The following TNS3 variants were observed in gnomAD, a reference collection of about 807,000 sequenced individuals.
TNS3 encodes tensin-3.
A neutral mutation model predicts 140.9 loss-of-function variants in TNS3; 45 were observed. The observed-to-expected ratio is 0.32, with a 90% CI of 0.25 to 0.41. The LOEUF (loss-of-function observed/expected upper bound fraction) is 0.41. TNS3 is among the 10% of genes least tolerant of loss of function. TNS3 has a pLI of 1.00. For synonymous variants in TNS3, 815 were observed against 788.4 expected (o/e 1.03, Z -0.56); for missense variants, 1,716 against 1,906.7 (o/e 0.90, Z 1.86).
At chr7:47,342,936 C>T (rs1040986411) in intron 20 of TNS3, among the ~76,000 whole-genome samples, 1 of 152,248 alleles carries the variant, frequency 6.6e-6, no homozygotes, top group Non-Finnish European at 1.5e-5. Context: ...TAAGTCAGCA[C>T]TGTGTTATCT....
chr7:47,289,442 C>T (rs1173795435), intron 27 of TNS3, among the ~76,000 whole-genome samples: 2 of 152,178 alleles, frequency 1.3e-5, no homozygotes, highest in Admixed American at 6.5e-5. Flanking sequence ...ACCACAAGAG[C>T]CCTATGGTGT....
chr7:47,523,384 A>G (rs1210408637), intron 2 of TNS3, among the ~76,000 whole-genome samples: 1 of 152,208 alleles, frequency 6.6e-6, no homozygotes, highest in Non-Finnish European at 1.5e-5. Context: ...GTTCCAAAAA[A>G]CTATGCCACA....
At chr7:47,536,629 T>C (rs371788028) in intron 1 of TNS3, among the ~76,000 whole-genome samples, 4 of 152,312 alleles carry the variant, frequency 2.6e-5, no homozygotes, top group African/African-American at 7.2e-5. Flanking sequence ...CAAGAGGCAG[T>C]TGAGTTAGAA....
At chr7:47,575,086 A>C (rs1273841245) in intron 1 of TNS3, among the ~76,000 whole-genome samples, 1 of 152,244 alleles carries the variant, frequency 6.6e-6, no homozygotes, top group Non-Finnish European at 1.5e-5. Context: ...AGTCTGCTAG[A>C]AATCCTTTCA....
chr7:47,335,150 A>G (rs1206599184), intron 20 of TNS3, among the ~76,000 whole-genome samples: 1 of 152,216 alleles, frequency 6.6e-6, no homozygotes, highest in African/African-American at 2.4e-5. Flanking sequence ...GGAATTTCTG[A>G]GAAGCCTAAG....
rs1788788150 is a variant in TNS3, at chr7:47,338,967, T to C, written c.2650+5788A>G. Among the ~76,000 whole-genome samples, 4 of 152,342 alleles carry C rather than the reference T, an allele frequency of 2.6e-5. No individual in the cohort carries two copies. In the South Asian group the frequency reaches 8.3e-4, roughly 32 times the overall value. On this transcript the variant is annotated intron_variant, in intron 20 of 30. Transcript: ENST00000311160. ...AATTCACATTCCCTCCAACAGTGTA[T>C]ACATGTTCTTTTTCTCTGCAGCTTT...
intron 9 of TNS3, 88 bp from the exon 10 acceptor site, chr7:47,424,272 C>G: frequency 7.7e-7 from 1 of 1,306,596 alleles, no homozygotes; most frequent in Non-Finnish European, 1.1e-6. Flanking sequence ...CATGGCTGTT[C>G]AAAGCGACCA....
chr7:47,401,671 G>C (rs776626648), intron 13 of TNS3, among the ~76,000 whole-genome samples: 1 of 152,196 alleles, frequency 6.6e-6, no homozygotes, highest in Non-Finnish European at 1.5e-5. Flanking sequence ...GGCAGAGCAG[G>C]AGCCTGAGTG....
chr7:47,517,917 A>G (rs571647580), intron 2 of TNS3, among the ~76,000 whole-genome samples: 1 of 152,364 alleles, frequency 6.6e-6, no homozygotes, highest in South Asian at 2.1e-4. Flanking sequence ...ACACAGCCTG[A>G]GGGAGGCCAC....
chr7:47,558,424 G>A (rs1259028466), intron 1 of TNS3, among the ~76,000 whole-genome samples: 2 of 151,938 alleles, frequency 1.3e-5, no homozygotes, highest in East Asian at 1.9e-4. Context: ...CCATGCAAGA[G>A]TGGGTGCCTC....
chr7:47,505,037 T>G (rs1413827614), intron 3 of TNS3, among the ~76,000 whole-genome samples: 2 of 152,056 alleles, frequency 1.3e-5, no homozygotes, highest in African/African-American at 4.8e-5. Flanking sequence ...ATTTAAGAAA[T>G]GGAAGGAACA....
chr7:47,579,805 G>A (rs959669624), intron 1 of TNS3: 5 of 983,502 alleles, frequency 5.1e-6, no homozygotes, highest in South Asian at 4.7e-5. Context: ...TATAAGCTGC[G>A]ACTGCCAAAT....
intron 10 of TNS3, among the ~76,000 whole-genome samples, chr7:47,422,958 T>C (rs1794456951): frequency 6.6e-6 from 1 of 151,938 alleles, no homozygotes; most frequent in Non-Finnish European, 1.5e-5. Context: ...TTGCATTGCA[T>C]GTGGGCCCTG....
At chr7:47,342,138 T>G (rs774593689) in intron 20 of TNS3, among the ~76,000 whole-genome samples, 7 of 152,148 alleles carry the variant, frequency 4.6e-5, no homozygotes, top group Non-Finnish European at 8.8e-5. Context: ...ATATTATAAA[T>G]AAGGCCTACC....
Position 47,428,387 on chromosome 7 carries a change from CA to C in TNS3, c.325-12del. On this transcript the variant is annotated splice_polypyrimidine_tract_variant and intron_variant, in intron 8 of 30. Coordinates refer to ENST00000311160, the MANE Select transcript of TNS3 (RefSeq NM_022748.12). The stretch of plus-strand genomic sequence containing the variant: ...GCGTCCTTTCCCGCCCTGCAGGAGA[CA>C]AAAGATCAGCTGATTTTCTCTGAAA... The C allele has an allele frequency of 7.1e-7, 1 of 1,407,140 alleles. No homozygotes were observed. Among genetic ancestry groups the C allele is most frequent in the Non-Finnish European group, 9.3e-7 (1 of 1,072,830 alleles). 87.2% of individuals were successfully genotyped at this position (1,407,140 alleles called of 1,614,324 possible).
At chr7:47,452,511 G>A (rs901983786) in intron 4 of TNS3, among the ~76,000 whole-genome samples, 1 of 152,190 alleles carries the variant, frequency 6.6e-6, no homozygotes, top group African/African-American at 2.4e-5. Context: ...AACAGACTAA[G>A]ATTGTATCTC....
At chr7:47,345,169 C>G in intron 18 of TNS3, 131 bp from the exon 19 acceptor site, 1 of 684,990 alleles carries the variant, frequency 1.5e-6, no homozygotes, top group Non-Finnish European at 2.6e-6. Context: ...GACAAGGAGG[C>G]TGAGGTCTGG....
rs957705912 is a variant in TNS3 at position 47,299,773 on chromosome 7, C to A, written c.3544+2413G>T. 2.0e-5 allele frequency among the ~76,000 whole-genome samples: 3 copies of A among 152,312 alleles called. No individual in the cohort carries two copies. In the South Asian group the frequency reaches 6.2e-4, roughly 32 times the overall value. On this transcript the variant is annotated intron_variant, in intron 23 of 30. Coordinates refer to ENST00000311160, the MANE Select transcript of TNS3 (RefSeq NM_022748.12). ...TTCCAAACAGAAGTAGGCTGAGGAG[C>A]CTGGTGTGCTGAAGTTGGAAAAACG... is the stretch of plus-strand genomic sequence containing the variant.
chr7:47,538,195 C>T (rs1042698002), intron 1 of TNS3, among the ~76,000 whole-genome samples: 5 of 152,144 alleles, frequency 3.3e-5, no homozygotes, highest in Non-Finnish European at 7.4e-5. Context: ...CAGGCAGATC[C>T]CTCCTTTCAA....
Sources: allele counts gnomAD v4.1 joint callset (sites outside exome capture counted in the v4.1 genomes callset), GRCh38; gene constraint gnomAD v4.1.1; transcripts MANE v1.5; gene names NCBI Gene and HGNC (gene_info 2026-07-23, HGNC 2026-07-21).